The following PCBP3 variants were observed in gnomAD, a reference collection of about 807,000 sequenced individuals.
PCBP3 encodes the protein poly(rC) binding protein 3.
In PCBP3, 25 loss-of-function variants were observed where a neutral mutation model predicts 52.7. The observed-to-expected ratio is 0.47, with a 90% CI of 0.35 to 0.66. PCBP3 has a LOEUF of 0.66. PCBP3 is among the 30% of genes least tolerant of loss of function. The pLI is 0.01. For missense variants in PCBP3, 391 were observed against 490.3 expected, an observed-to-expected ratio of 0.80 and a Z score of 1.91; for synonymous variants, 162 against 183.0, an observed-to-expected ratio of 0.89 and a Z score of 0.93.
At chr21:45,852,241 A>G (rs2094041875) in intron 5 of PCBP3, among the ~76,000 whole-genome samples, 1 of 152,272 alleles carries the variant, frequency 6.6e-6, no homozygotes, top group Non-Finnish European at 1.5e-5. Context: ...TCAATTATAA[A>G]TAAAGCTTAA....
chr21:45,930,203 G>A lies in PCBP3; in HGVS notation c.796+208G>A, dbSNP rs963949604. Among the ~76,000 whole-genome samples, 7 of 152,330 alleles carry A rather than the reference G, an allele frequency of 4.6e-5. No individual in the cohort carries two copies. The East Asian group carries it at 1.2e-3, about 25-fold the overall frequency. On this transcript the variant is annotated intron_variant, in intron 14 of 17. Coordinates refer to ENST00000681687, the MANE Select transcript of PCBP3 (RefSeq NM_001384156.1). ...GTGGGTCTCGCTCCCACTGTTGGGG[G>A]CTGGTTCACCTTACAGCTGGCCTTG...
chr21:45,644,683 C>T (rs939360848), intron 1 of PCBP3, among the ~76,000 whole-genome samples: 4 of 152,058 alleles, frequency 2.6e-5, no homozygotes, highest in Admixed American at 6.6e-5. Flanking sequence ...TCTTGTTAGC[C>T]CTCCATGTGA....
intron 1 of PCBP3, among the ~76,000 whole-genome samples, chr21:45,645,139 G>T (rs144512104): frequency 5.0e-4 from 76 of 152,328 alleles, no homozygotes; most frequent in Non-Finnish European, 9.1e-4. Context: ...AGCAGAAATA[G>T]TTCTGGTGTT....
At chr21:45,789,889 C>T (rs535637833) in intron 4 of PCBP3, among the ~76,000 whole-genome samples, 2 of 152,280 alleles carry the variant, frequency 1.3e-5, no homozygotes, top group East Asian at 1.9e-4. Flanking sequence ...CCTGTAATCC[C>T]ACCACTTTGG....
rs1355136603 is a variant in PCBP3, at chr21:45,789,955, C to T, written c.-126+34503C>T. On this transcript the variant is annotated intron_variant, in intron 4 of 17. Transcript: ENST00000681687. ...GAGATGGAGACCATCCTGGCTGACA[C>T]GGTGAAACCCCGTCTCTACTAAAAA... Among the ~76,000 whole-genome samples, 6 of 151,968 alleles carry T rather than the reference C, an allele frequency of 3.9e-5. No homozygotes were observed. The East Asian group carries it at 7.7e-4, about 20-fold the overall frequency.
chr21:45,874,881 C>T (rs1287814796), intron 5 of PCBP3, among the ~76,000 whole-genome samples: 3 of 152,154 alleles, frequency 2.0e-5, no homozygotes, highest in Non-Finnish European at 2.9e-5. Context: ...TTGCTGCTGG[C>T]CTCTGGCTGT....
intron 4 of PCBP3, among the ~76,000 whole-genome samples, 174 bp from the exon 5 acceptor site, chr21:45,849,787 G>T (rs887851735): frequency 6.6e-6 from 1 of 152,142 alleles, no homozygotes; most frequent in Non-Finnish European, 1.5e-5. Context: ...AAGAGCCCCA[G>T]GGGGGAGCGC....
intron 2 of PCBP3, among the ~76,000 whole-genome samples, chr21:45,730,907 G>A (rs1393155653): frequency 6.6e-6 from 1 of 151,560 alleles, no homozygotes; most frequent in Admixed American, 6.6e-5. Context: ...TTTAACCTCT[G>A]TGTATGTTTA....
At chr21:45,835,470 G>A (rs1180983335) in intron 4 of PCBP3, among the ~76,000 whole-genome samples, 3 of 152,198 alleles carry the variant, frequency 2.0e-5, no homozygotes, top group East Asian at 1.9e-4. Context: ...GCTCCTGGCC[G>A]CAGCCGGCAC....
At chr21:45,909,517 C>A (rs536551516) in intron 10 of PCBP3, 31 bp downstream of exon 10, 32 of 1,605,822 alleles carry the variant, frequency 2.0e-5, no homozygotes, top group Non-Finnish European at 8.5e-6. Context: ...TGGGCCGCTG[C>A]GGAGCCTCTA....
chr21:45,855,484 G>A (rs566799664), intron 5 of PCBP3, among the ~76,000 whole-genome samples: 53 of 152,350 alleles, frequency 3.5e-4, no homozygotes, highest in Non-Finnish European at 7.2e-4. Flanking sequence ...TGCGTGGGAA[G>A]GCCTGGAGAG....
At chr21:45,660,617 G>C (rs901600693) in intron 1 of PCBP3, among the ~76,000 whole-genome samples, 2 of 151,898 alleles carry the variant, frequency 1.3e-5, no homozygotes, top group Non-Finnish European at 2.9e-5. Flanking sequence ...GGTTACTTGG[G>C]GTCTTACTAC....
At chr21:45,814,061 C>T (rs2092757413) in intron 4 of PCBP3, among the ~76,000 whole-genome samples, 2 of 152,170 alleles carry the variant, frequency 1.3e-5, no homozygotes, top group African/African-American at 4.8e-5. Context: ...ATGGTACAGC[C>T]TATTGGTCTT....
intron 4 of PCBP3, chr21:45,762,121 A>C (rs1445280719): frequency 6.6e-6 from 1 of 152,234 alleles, no homozygotes; most frequent in Non-Finnish European, 1.5e-5. Context: ...AGATTTTATG[A>C]GTCCAGAATT....
intron 4 of PCBP3, among the ~76,000 whole-genome samples, chr21:45,757,674 T>C (rs1044961389): frequency 6.6e-6 from 1 of 152,216 alleles, no homozygotes; most frequent in Non-Finnish European, 1.5e-5. Context: ...TTTAGGTCTT[T>C]GGCCCATTTT....
rs994368727 is a variant in PCBP3 at position 45,910,976 on chromosome 21, G to T, written c.546G>T (p.Gly182=). Residue 182 remains glycine (G), a synonymous_variant, in exon 11 of 18, where the codon GGG becomes GGT. Transcript: ENST00000681687. ...CGGAGCGAGCGGTGACCATCTCGGGGACCCCAGATGCCATCATCCAGTGCG... is the reference window on the plus strand; with the variant it reads ...CGGAGCGAGCGGTGACCATCTCGGGTACCCCAGATGCCATCATCCAGTGCG... The part of the protein sequence containing the change: ...NSTERAVTIS[G]TPDAIIQCVK... 3.1e-6 allele frequency: 5 copies of T among 1,612,004 alleles called. No individual in the cohort carries two copies. Among genetic ancestry groups the T allele is most frequent in the South Asian group, 1.1e-5 (1 of 91,080 alleles).
chr21:45,867,026 A>G (rs2094760797), intron 5 of PCBP3, among the ~76,000 whole-genome samples: 1 of 152,226 alleles, frequency 6.6e-6, no homozygotes, highest in Admixed American at 6.5e-5. Flanking sequence ...TGGGCATGGG[A>G]AGACTATTCA....
intron 4 of PCBP3, among the ~76,000 whole-genome samples, chr21:45,834,316 G>A (rs1018288052): frequency 9.2e-5 from 14 of 152,252 alleles, no homozygotes; most frequent in Non-Finnish European, 1.5e-4. Context: ...ACCAGGGCGC[G>A]TGTTAGAGCA....
At chr21:45,643,950 A>G (rs2079081315) in intron 1 of PCBP3, 82 bp downstream of exon 1, 3 of 148,336 alleles carry the variant, frequency 2.0e-5, no homozygotes, top group Admixed American at 2.0e-4. Flanking sequence ...AGGCCGAGTG[A>G]CGGGGCGACC....
Sources: gnomAD v4.1 joint callset for allele counts (sites outside exome capture counted in the v4.1 genomes callset) on GRCh38, gnomAD v4.1.1 for gene constraint, MANE v1.5 for transcripts, NCBI Gene and HGNC (gene_info 2026-07-23, HGNC 2026-07-21) for gene names.